Variants in TMEM178B observed in about 807,000 individuals in gnomAD.
TMEM178B encodes transmembrane protein 178B.
In TMEM178B, 5 loss-of-function variants were observed where a neutral mutation model predicts 31.0. That is an observed-to-expected ratio of 0.16 (90% confidence interval 0.08 to 0.34). The LOEUF (loss-of-function observed/expected upper bound fraction) is 0.34, where lower values mean the gene tolerates loss of function less well. Among genes scored for constraint, TMEM178B ranks in the 10% least tolerant of loss-of-function variants. The pLI, the probability that TMEM178B is intolerant of heterozygous loss-of-function variation, is 1.00. For missense variants in TMEM178B, 275 were observed against 400.3 expected, an observed-to-expected ratio of 0.69 and a Z score of 2.67; for synonymous variants, 164 against 164.0, an observed-to-expected ratio of 1.00 and a Z score of 0.00.
intron 2 of TMEM178B, among the ~76,000 whole-genome samples, chr7:141,306,400 T>C (rs1211051222): frequency 6.6e-6 from 1 of 152,176 alleles, no homozygotes; most frequent in Non-Finnish European, 1.5e-5. Context: ...ACATGGGATC[T>C]GAAGGTACAG....
chr7:141,349,979 C>G (rs1178980295), intron 2 of TMEM178B, among the ~76,000 whole-genome samples: 1 of 151,950 alleles, frequency 6.6e-6, no homozygotes, highest in Non-Finnish European at 1.5e-5. Flanking sequence ...ATCCATCCAT[C>G]CATCCATCCA....
intron 1 of TMEM178B, among the ~76,000 whole-genome samples, chr7:141,168,253 C>T (rs1299701302): frequency 1.3e-5 from 2 of 152,042 alleles, no homozygotes; most frequent in Non-Finnish European, 2.9e-5. Context: ...TTGGTTGGCT[C>T]GTGGCTTCAA....
chr7:141,099,147 C>G (rs879318794), intron 1 of TMEM178B, among the ~76,000 whole-genome samples: 9 of 152,284 alleles, frequency 5.9e-5, no homozygotes, highest in Admixed American at 3.3e-4. Flanking sequence ...TATTTTCCTC[C>G]TTGATATGAA....
At chr7:141,123,557 A>G (rs1038339694) in intron 1 of TMEM178B, among the ~76,000 whole-genome samples, 6 of 152,130 alleles carry the variant, frequency 3.9e-5, no homozygotes, top group East Asian at 1.9e-4. Flanking sequence ...GTCTAATTCC[A>G]GTGTCTGTAC....
chr7:141,270,286 G>A (rs907536707), intron 2 of TMEM178B, among the ~76,000 whole-genome samples: 6 of 152,108 alleles, frequency 3.9e-5, no homozygotes, highest in African/African-American at 1.4e-4. Flanking sequence ...GCTTTGGGGA[G>A]CACCTGGGTC....
chr7:141,310,597 C>G (rs987508298), intron 2 of TMEM178B, among the ~76,000 whole-genome samples: 2 of 152,078 alleles, frequency 1.3e-5, no homozygotes, highest in East Asian at 3.9e-4. Flanking sequence ...CTTCAACAGG[C>G]CCTGGTGTGT....
intron 2 of TMEM178B, among the ~76,000 whole-genome samples, chr7:141,357,182 A>C (rs995501451): frequency 9.2e-5 from 14 of 152,210 alleles, no homozygotes; most frequent in African/African-American, 3.1e-4. Context: ...AGTTGCCTCA[A>C]GCTCTTCTCT....
At chr7:141,305,423 CTTTTCTTT>C (rs916693218) in intron 2 of TMEM178B, among the ~76,000 whole-genome samples, 4 of 151,984 alleles carry the variant, frequency 2.6e-5, no homozygotes, top group African/African-American at 9.7e-5. Context: ...AGGCCCTGTG[CTTTTCTTT>C]TTTTCTTTTT....
chr7:141,349,770 G>A (rs562034323), intron 2 of TMEM178B, among the ~76,000 whole-genome samples: 3 of 152,300 alleles, frequency 2.0e-5, no homozygotes, highest in African/African-American at 7.2e-5. Flanking sequence ...TTAATTCTTG[G>A]GTGAGGTAGG....
At chr7:141,500,351 T>C in the TMEM178B span, among the ~76,000 whole-genome samples, 1 of 152,096 alleles carries the variant, frequency 6.6e-6, no homozygotes, top group Non-Finnish European at 1.5e-5. Flanking sequence ...GATGGGCAGG[T>C]GCAAGTCATT....
At chr7:141,207,345 T>G (rs1282235677) in intron 1 of TMEM178B, among the ~76,000 whole-genome samples, 1 of 152,200 alleles carries the variant, frequency 6.6e-6, no homozygotes, top group African/African-American at 2.4e-5. Context: ...CATTCGTAAT[T>G]TTTTGAGGAA....
the TMEM178B span, among the ~76,000 whole-genome samples, chr7:141,488,967 GGGAGGA>G: frequency 1.1e-4 from 17 of 151,600 alleles, no homozygotes; most frequent in East Asian, 1.9e-4. Context: ...AGAAGGAGGA[GGGAGGA>G]GGAGGAGGAG....
At chr7:141,285,708 G>T (rs569494240) in intron 2 of TMEM178B, among the ~76,000 whole-genome samples, 48 of 152,230 alleles carry the variant, frequency 3.2e-4, no homozygotes, top group African/African-American at 1.1e-3. Flanking sequence ...GCCCATCAAT[G>T]ATAGATTGGA....
chr7:141,225,212 A>G (rs1188490421), intron 2 of TMEM178B, among the ~76,000 whole-genome samples: 1 of 152,076 alleles, frequency 6.6e-6, no homozygotes, highest in Non-Finnish European at 1.5e-5. Context: ...GGAGCCCCAC[A>G]CATATCTCGT....
chr7:141,179,553 G>T (rs979911225), intron 1 of TMEM178B, among the ~76,000 whole-genome samples: 3 of 152,092 alleles, frequency 2.0e-5, no homozygotes, highest in Admixed American at 2.0e-4. Flanking sequence ...CTTGCTGACA[G>T]CAAAAGATTA....
At chr7:141,163,165 G>C (rs1236289820) in intron 1 of TMEM178B, among the ~76,000 whole-genome samples, 1 of 152,224 alleles carries the variant, frequency 6.6e-6, no homozygotes, top group Non-Finnish European at 1.5e-5. Context: ...ATGAGAGCCT[G>C]CCTGAGGTGC....
At chr7:141,382,143 A>G (rs1800328642) in intron 2 of TMEM178B, among the ~76,000 whole-genome samples, 1 of 152,188 alleles carries the variant, frequency 6.6e-6, no homozygotes, top group Admixed American at 6.5e-5. Flanking sequence ...TCTGTTCTCC[A>G]TATAGCAGCC....
At chr7:141,376,198 T>G (rs1800211284) in intron 2 of TMEM178B, among the ~76,000 whole-genome samples, 1 of 152,228 alleles carries the variant, frequency 6.6e-6, no homozygotes, top group African/African-American at 2.4e-5. Flanking sequence ...TGAGGGAATG[T>G]TCTACTTTAC....
intron 2 of TMEM178B, among the ~76,000 whole-genome samples, chr7:141,231,603 CT>C (rs1370929836): frequency 6.6e-6 from 1 of 152,182 alleles, no homozygotes; most frequent in Admixed American, 6.5e-5. Flanking sequence ...GAAGCAAAGC[CT>C]GCTCCCTGGG....
Sources: gnomAD v4.1 joint callset for allele counts (sites outside exome capture counted in the v4.1 genomes callset) on GRCh38, gnomAD v4.1.1 for gene constraint, MANE v1.5 for transcripts, NCBI Gene and HGNC (gene_info 2026-07-23, HGNC 2026-07-21) for gene names.